The following ZNF385D variants were observed in gnomAD, a reference collection of about 807,000 sequenced individuals.
ZNF385D encodes zinc finger protein 659.
A neutral mutation model predicts 35.8 loss-of-function variants in ZNF385D; 15 were observed. The ratio of observed to expected loss-of-function variants is 0.42; its 90% CI spans 0.28 to 0.64. The LOEUF is 0.64. Among genes scored for constraint, ZNF385D ranks in the 30% least tolerant of loss-of-function variants. The pLI, the probability that ZNF385D is intolerant of heterozygous loss-of-function variation, is 0.23. For missense variants in ZNF385D, 474 were observed against 494.6 expected, an observed-to-expected ratio of 0.96 and a Z score of 0.39; for synonymous variants, 212 against 186.8, an observed-to-expected ratio of 1.13 and a Z score of -1.10.
At position 21,645,054 on chromosome 3, in the gene ZNF385D, T is replaced by C. The variant is rs191874269; in HGVS notation, c.165+19832A>G. On this transcript the variant is annotated intron_variant, in intron 2 of 7. Coordinates refer to ENST00000281523, the MANE Select transcript of ZNF385D (RefSeq NM_024697.3). Reference sequence around the variant, plus strand: ...GCTAACTTGGATAATAAGTGTGCAATGAGAGCCAAATGACCTTGAAGGCTT... The same window carrying C: ...GCTAACTTGGATAATAAGTGTGCAACGAGAGCCAAATGACCTTGAAGGCTT... Among the ~76,000 whole-genome samples, 43 of 152,344 alleles carry C rather than the reference T, an allele frequency of 2.8e-4. No homozygotes were observed. The East Asian group carries it at 7.7e-3, about 27-fold the overall frequency.
At chr3:22,251,179 G>GA (rs1341717154) in intron 2 of ZNF385D, among the ~76,000 whole-genome samples, 3 of 152,074 alleles carry the variant, frequency 2.0e-5, no homozygotes, top group Non-Finnish European at 4.4e-5. Context: ...ATCAAGATTT[G>GA]AAAACCTGAT....
chr3:22,124,005 TCC>T (rs1441731632), intron 3 of ZNF385D, among the ~76,000 whole-genome samples: 50 of 139,790 alleles, frequency 3.6e-4, no homozygotes, highest in African/African-American at 1.3e-3. Flanking sequence ...ACTGAACTCA[TCC>T]TGTTGTGCAA....
intron 2 of ZNF385D, among the ~76,000 whole-genome samples, chr3:22,261,346 T>C (rs1294959216): frequency 6.6e-6 from 1 of 151,976 alleles, no homozygotes; most frequent in Non-Finnish European, 1.5e-5. Flanking sequence ...TAAGTTATGG[T>C]TTTACAATCT....
intron 2 of ZNF385D, among the ~76,000 whole-genome samples, chr3:22,291,554 GTTGA>G (rs1702303250): frequency 6.6e-6 from 1 of 151,686 alleles, no homozygotes; most frequent in Admixed American, 6.6e-5. Flanking sequence ...ATATATTTTA[GTTGA>G]TTTAGTGTAT....
At chr3:21,894,421 C>T (rs963349210) in intron 3 of ZNF385D, among the ~76,000 whole-genome samples, 1 of 152,112 alleles carries the variant, frequency 6.6e-6, no homozygotes, top group African/African-American at 2.4e-5. Flanking sequence ...AAGCCAAAAA[C>T]ATCCCTGAGT....
At chr3:21,845,212 T>G (rs565418962) in intron 3 of ZNF385D, among the ~76,000 whole-genome samples, 1 of 152,054 alleles carries the variant, frequency 6.6e-6, no homozygotes, top group Non-Finnish European at 1.5e-5. Context: ...CTGCCTCTTA[T>G]AGAATAGAGC....
At chr3:21,552,537 A>G (rs1260966446) in intron 3 of ZNF385D, among the ~76,000 whole-genome samples, 2 of 152,366 alleles carry the variant, frequency 1.3e-5, no homozygotes, top group South Asian at 2.1e-4. Flanking sequence ...TTATAAAAAC[A>G]TTAGATCTTC....
chr3:22,156,296 G>A (rs992541584), intron 3 of ZNF385D, among the ~76,000 whole-genome samples: 2 of 151,856 alleles, frequency 1.3e-5, no homozygotes, highest in Non-Finnish European at 2.9e-5. Flanking sequence ...ATACATACTC[G>A]GACACTCTTT....
At chr3:21,532,376 C>A (rs964541869) in intron 3 of ZNF385D, among the ~76,000 whole-genome samples, 3 of 151,970 alleles carry the variant, frequency 2.0e-5, no homozygotes, top group Admixed American at 2.0e-4. Flanking sequence ...AGGGAAGGTA[C>A]CTGAAAAGAT....
intron 3 of ZNF385D, among the ~76,000 whole-genome samples, chr3:21,988,453 TG>T (rs1480103624): frequency 7.0e-4 from 95 of 136,358 alleles, no homozygotes; most frequent in Middle Eastern, 3.6e-3. Context: ...GTGCCCCTGC[TG>T]GGGGGTGCCT....
chr3:21,826,861 T>G (rs868449514), intron 3 of ZNF385D, among the ~76,000 whole-genome samples: 1 of 150,246 alleles, frequency 6.7e-6, no homozygotes. Flanking sequence ...AACAAGGTTG[T>G]GAGTGGTCCC....
At chr3:21,990,830 T>C (rs1360064719) in intron 3 of ZNF385D, among the ~76,000 whole-genome samples, 4 of 152,200 alleles carry the variant, frequency 2.6e-5, no homozygotes, top group South Asian at 2.1e-4. Flanking sequence ...GAAAACTGTA[T>C]AGCTTGGATT....
chr3:22,288,019 T>C (rs2125392452), intron 2 of ZNF385D, among the ~76,000 whole-genome samples: 1 of 152,166 alleles, frequency 6.6e-6, no homozygotes, highest in South Asian at 2.1e-4. Context: ...CAGAATTGCC[T>C]GGCATATTAA....
intron 2 of ZNF385D, among the ~76,000 whole-genome samples, chr3:21,635,444 T>G (rs902900184): frequency 1.6e-4 from 25 of 152,080 alleles, no homozygotes; most frequent in African/African-American, 6.0e-4. Context: ...TGAGTTACAA[T>G]GAACTTAAGT....
chr3:22,181,620 C>A (rs999930521), intron 2 of ZNF385D, among the ~76,000 whole-genome samples: 2 of 150,086 alleles, frequency 1.3e-5, no homozygotes, highest in Non-Finnish European at 2.9e-5. Flanking sequence ...ATGGTGTGAA[C>A]TCAGGAGGCG....
At chr3:21,808,088 G>A (rs1437637340) in intron 3 of ZNF385D, among the ~76,000 whole-genome samples, 6 of 152,118 alleles carry the variant, frequency 3.9e-5, no homozygotes, top group Non-Finnish European at 8.8e-5. Flanking sequence ...GTGATCAAGA[G>A]ACCGGAAGCC....
intron 3 of ZNF385D, among the ~76,000 whole-genome samples, chr3:21,549,781 G>A (rs915235262): frequency 6.6e-6 from 1 of 152,208 alleles, no homozygotes; most frequent in Admixed American, 6.5e-5. Flanking sequence ...GAGTCTTGGA[G>A]ACTAACACAG....
At chr3:22,035,730 T>C (rs1204465403) in intron 3 of ZNF385D, among the ~76,000 whole-genome samples, 1 of 152,074 alleles carries the variant, frequency 6.6e-6, no homozygotes, top group Admixed American at 6.6e-5. Context: ...TAAGGGGAGT[T>C]TCTGAAAGAA....
At chr3:22,009,808 G>C (rs952691860) in intron 3 of ZNF385D, among the ~76,000 whole-genome samples, 1 of 151,900 alleles carries the variant, frequency 6.6e-6, no homozygotes, top group African/African-American at 2.4e-5. Context: ...TGATAGTCAA[G>C]GGTCATCAGC....
Sources: gnomAD v4.1 joint callset for allele counts (sites outside exome capture counted in the v4.1 genomes callset) on GRCh38, gnomAD v4.1.1 for gene constraint, MANE v1.5 for transcripts, NCBI Gene and HGNC (gene_info 2026-07-23, HGNC 2026-07-21) for gene names.